Variants in CAMTA1 observed in about 807,000 individuals in gnomAD.
CAMTA1 encodes calmodulin binding transcription activator 1.
Under a neutral mutation model 170.9 loss-of-function variants are expected in CAMTA1, and 27 were observed. The observed-to-expected ratio is 0.16, with a 90% CI of 0.12 to 0.22. The LOEUF is 0.22. Ranked by LOEUF, CAMTA1 falls within the 10% of genes least tolerant of loss-of-function variation. The pLI is 1.00. For synonymous variants in CAMTA1, 833 were observed against 891.5 expected, an observed-to-expected ratio of 0.93 and a Z score of 1.17; for missense variants, 1,619 against 2,217.2, an observed-to-expected ratio of 0.73 and a Z score of 5.42.
intron 3 of CAMTA1, among the ~76,000 whole-genome samples, chr1:7,083,449 C>G (rs1640293865): frequency 6.6e-6 from 1 of 152,124 alleles, no homozygotes; most frequent in African/African-American, 2.4e-5. Context: ...GGTGGGGGGT[C>G]CGGGATATCC....
chr1:7,017,684 G>A (rs1021287440), intron 3 of CAMTA1, among the ~76,000 whole-genome samples: 3 of 152,148 alleles, frequency 2.0e-5, no homozygotes, highest in Non-Finnish European at 2.9e-5. Context: ...TTCCTTTCCT[G>A]GGATCGCCAC....
chr1:7,138,232 T>C (rs1279636404), intron 4 of CAMTA1, among the ~76,000 whole-genome samples: 1 of 152,104 alleles, frequency 6.6e-6, no homozygotes, highest in Non-Finnish European at 1.5e-5. Flanking sequence ...GCTCAAGCAA[T>C]CCTCCCGCCT....
intron 4 of CAMTA1, among the ~76,000 whole-genome samples, chr1:7,193,245 G>A (rs1451859744): frequency 1.3e-5 from 2 of 151,792 alleles, no homozygotes; most frequent in Admixed American, 6.6e-5. Flanking sequence ...CCAGCTACTC[G>A]GGAGCCTGAG....
intron 5 of CAMTA1, among the ~76,000 whole-genome samples, chr1:7,461,952 C>T (rs905985309): frequency 2.6e-5 from 4 of 152,280 alleles, no homozygotes; most frequent in Admixed American, 6.5e-5. Flanking sequence ...CCCTTCCCTG[C>T]CCTGCCTAAG....
chr1:7,717,908 C>G (rs558364608), intron 11 of CAMTA1, among the ~76,000 whole-genome samples: 1 of 152,020 alleles, frequency 6.6e-6, no homozygotes, highest in Non-Finnish European at 1.5e-5. Context: ...TGTGTATTTC[C>G]GATAGTTGAA....
rs952280346 is a variant in CAMTA1 at position 7,007,376 on chromosome 1, G to A, written c.235-83928G>A. Among the ~76,000 whole-genome samples the A allele has an allele frequency of 6.6e-6, 1 of 152,182 alleles. No individual in the cohort carries two copies. Among genetic ancestry groups the A allele is most frequent in the Non-Finnish European group, 1.5e-5 (1 of 68,030 alleles). ...TTGCTAAGGACACAGGCAGCTGTAC[G>A]CCAGAGCCTGTGGGCCACCCCGAGG... On this transcript the variant is annotated intron_variant, in intron 3 of 22. Transcript: ENST00000303635. This position sits in a 1 kb window ranked among gnomAD's most constrained non-coding sequence, Gnocchi z 4.5.
intron 6 of CAMTA1, among the ~76,000 whole-genome samples, chr1:7,550,090 G>A (rs2094778316): frequency 6.6e-6 from 1 of 152,110 alleles, no homozygotes; most frequent in African/African-American, 2.4e-5. Flanking sequence ...TGCAGGGAGT[G>A]GAGGAGAGGG....
intron 4 of CAMTA1, among the ~76,000 whole-genome samples, chr1:7,180,915 G>C (rs1041035130): frequency 6.6e-6 from 1 of 152,136 alleles, no homozygotes; most frequent in African/African-American, 2.4e-5. Context: ...GTACTACATT[G>C]ACACCTGAAT....
Position 7,426,443 on chromosome 1 carries a change from A to G in CAMTA1, c.439-41387A>G, listed in dbSNP as rs2091879502. ...TACCTGGGTTTCCAACTTGCAGCCC[A>G]TTATCTATTAATACTAAATAACTGC... On this transcript the variant is annotated intron_variant, in intron 5 of 22. Transcript: ENST00000303635. The surrounding 1 kb of genome is among the most constrained non-coding windows in gnomAD (Gnocchi z 4.8). 2.0e-5 allele frequency among the ~76,000 whole-genome samples: 3 copies of G among 152,324 alleles called. No individual in the cohort carries two copies. In the South Asian group the frequency reaches 6.2e-4, roughly 32 times the overall value.
chr1:7,680,769 A>T lies in CAMTA1; in HGVS notation c.2914+3036A>T, dbSNP rs2096186480. Among the ~76,000 whole-genome samples the T allele has an allele frequency of 6.7e-6, 1 of 148,406 alleles. No homozygotes were observed. On this transcript the variant is annotated intron_variant, in intron 11 of 22. Transcript: ENST00000303635. The surrounding 1 kb of genome is among the most constrained non-coding windows in gnomAD (Gnocchi z 4.4). ...GGCGGGGAAGAGACTGTCTGCCCTC[A>T]TTTGATCTAAAACATGAATTTGTTT...
chr1:7,363,507 C>T (rs143642223), intron 5 of CAMTA1, among the ~76,000 whole-genome samples: 6 of 152,192 alleles, frequency 3.9e-5, no homozygotes, highest in African/African-American at 9.6e-5. Context: ...CTTCCTCTTA[C>T]GCTGTCTTCT....
At chr1:7,060,139 G>T (rs1707988119) in intron 3 of CAMTA1, among the ~76,000 whole-genome samples, 1 of 152,164 alleles carries the variant, frequency 6.6e-6, no homozygotes, top group South Asian at 2.1e-4. Context: ...TTTCCTAGGG[G>T]GTGGTATGAG....
intron 6 of CAMTA1, among the ~76,000 whole-genome samples, chr1:7,497,008 C>A (rs568869805): frequency 9.3e-6 from 1 of 108,050 alleles, no homozygotes; most frequent in South Asian, 3.0e-4. Flanking sequence ...CCACGGTCCA[C>A]CCCAGGGGAC....
intron 4 of CAMTA1, among the ~76,000 whole-genome samples, chr1:7,218,670 G>C (rs187148562): frequency 2.4e-3 from 367 of 152,128 alleles, no homozygotes; most frequent in African/African-American, 8.6e-3. Flanking sequence ...TTCCCTGTAG[G>C]ATGTACTTTC....
chr1:6,953,874 G>A (rs1030121356), intron 3 of CAMTA1, among the ~76,000 whole-genome samples: 12 of 152,122 alleles, frequency 7.9e-5, no homozygotes, highest in Admixed American at 7.2e-4. Context: ...GTGAAACGAC[G>A]GGTTTGCCTC....
intron 6 of CAMTA1, among the ~76,000 whole-genome samples, chr1:7,469,559 T>C (rs1054301684): frequency 1.3e-5 from 2 of 152,188 alleles, no homozygotes; most frequent in African/African-American, 4.8e-5. Flanking sequence ...TCCTTTTCGG[T>C]TTCATGCCCC....
At chr1:6,866,278 G>A (rs994776948) in intron 3 of CAMTA1, among the ~76,000 whole-genome samples, 1 of 152,172 alleles carries the variant, frequency 6.6e-6, no homozygotes, top group African/African-American at 2.4e-5. Context: ...AAACATTTTT[G>A]CAAGTGATGT....
chr1:7,498,768 C>G (rs1323296656), intron 6 of CAMTA1, among the ~76,000 whole-genome samples: 1 of 146,258 alleles, frequency 6.8e-6, no homozygotes, highest in African/African-American at 2.5e-5. Context: ...TTGTGTGAGC[C>G]TGGTGTGCAT....
intron 3 of CAMTA1, among the ~76,000 whole-genome samples, chr1:6,830,978 C>T (rs1410005178): frequency 2.0e-5 from 3 of 151,918 alleles, no homozygotes; most frequent in Non-Finnish European, 4.4e-5. Flanking sequence ...GTCACCACGC[C>T]CAGCCAATTT....
Sources: gnomAD v4.1 joint callset for allele counts (sites outside exome capture counted in the v4.1 genomes callset) on GRCh38, gnomAD v4.1.1 for gene constraint, Gnocchi (gnomAD v3.1) non-coding constraint, MANE v1.5 for transcripts, NCBI Gene and HGNC (gene_info 2026-07-23, HGNC 2026-07-21) for gene names.